Variants in TAB2 observed in about 807,000 individuals in gnomAD.
TAB2 encodes TGF-beta activated kinase 1 (MAP3K7) binding protein 2.
TAB2 carries 3 observed loss-of-function variants against 65.0 expected under a neutral mutation model. That is an observed-to-expected ratio of 0.05 (90% CI 0.02 to 0.12). The LOEUF (loss-of-function observed/expected upper bound fraction) is 0.12, where lower values mean the gene tolerates loss of function less well. TAB2 is among the 10% of genes least tolerant of loss of function. The pLI is 1.00. For synonymous variants in TAB2, 298 were observed against 285.1 expected, an observed-to-expected ratio of 1.05 and a Z score of -0.46; for missense variants, 623 against 840.3, an observed-to-expected ratio of 0.74 and a Z score of 3.20.
At chr6:149,315,642 T>C (rs1204816925), upstream of TAB2, among the ~76,000 whole-genome samples, 1 of 152,240 alleles carries the variant, frequency 6.6e-6, no homozygotes, top group Non-Finnish European at 1.5e-5. Flanking sequence ...GGGTCACATA[T>C]TGCATTTCGT....
chr6:149,268,618 A>G (rs1778305955), intron 1 of TAB2, among the ~76,000 whole-genome samples: 1 of 152,250 alleles, frequency 6.6e-6, no homozygotes, highest in Non-Finnish European at 1.5e-5. Context: ...CCTTAAAATA[A>G]TAACACGAGG....
intron 1 of TAB2, among the ~76,000 whole-genome samples, chr6:149,366,796 G>A (rs1207686280): frequency 6.6e-6 from 1 of 152,078 alleles, no homozygotes; most frequent in Non-Finnish European, 1.5e-5. Context: ...ATTTGTGTAG[G>A]TGATAGTCTT....
At chr6:149,308,193 C>T (rs1384788580) in intron 1 of TAB2, among the ~76,000 whole-genome samples, 1 of 152,126 alleles carries the variant, frequency 6.6e-6, no homozygotes, top group Non-Finnish European at 1.5e-5. Flanking sequence ...TGACACACAT[C>T]TTCAAATGTA....
At chr6:149,392,143 G>C (rs1782009208) in intron 3 of TAB2, among the ~76,000 whole-genome samples, 1 of 139,482 alleles carries the variant, frequency 7.2e-6, no homozygotes, top group South Asian at 2.6e-4. Flanking sequence ...TTTGGCAGGG[G>C]GCGGGGGGGC....
intron 3 of TAB2, among the ~76,000 whole-genome samples, chr6:149,396,527 G>A (rs755578160): frequency 2.0e-5 from 3 of 152,098 alleles, no homozygotes; most frequent in Non-Finnish European, 4.4e-5. Context: ...TTCCAAATCT[G>A]CTTTATTTTT....
At chr6:149,367,787 G>A (rs1669441321) in intron 1 of TAB2, among the ~76,000 whole-genome samples, 1 of 152,086 alleles carries the variant, frequency 6.6e-6, no homozygotes, top group Non-Finnish European at 1.5e-5. Context: ...GATTAGATGT[G>A]GGATGAGAGA....
chr6:149,317,369 G>A (rs961144626), upstream of TAB2, among the ~76,000 whole-genome samples: 1 of 151,878 alleles, frequency 6.6e-6, no homozygotes, highest in South Asian at 2.1e-4. This position sits in a 1 kb window ranked among gnomAD's most constrained non-coding sequence, Gnocchi z 4.7. Context: ...TGCGAGTGTC[G>A]GGGGAGGGGT....
chr6:149,316,858 G>T (rs1428106513), upstream of TAB2, among the ~76,000 whole-genome samples: 1 of 152,050 alleles, frequency 6.6e-6, no homozygotes, highest in African/African-American at 2.4e-5. Context: ...AAGTCTCGAA[G>T]TTGCCAGTTG....
At chr6:149,377,989 A>G in intron 2 of TAB2, 29 bp from the exon 3 acceptor site, 1 of 1,565,738 alleles carries the variant, frequency 6.4e-7, no homozygotes, top group Non-Finnish European at 8.8e-7. Flanking sequence ...CTGATTGTTA[A>G]CATCAATCAA....
chr6:149,372,811 ATT>A (rs1781274008), intron 2 of TAB2, among the ~76,000 whole-genome samples: 1 of 152,160 alleles, frequency 6.6e-6, no homozygotes, highest in African/African-American at 2.4e-5. Context: ...GTTTTCCCAA[ATT>A]TAGAGCAATA....
intron 1 of TAB2, among the ~76,000 whole-genome samples, chr6:149,235,743 C>T (rs1777483431): frequency 1.3e-5 from 2 of 152,174 alleles, no homozygotes; most frequent in South Asian, 4.1e-4. Flanking sequence ...TGTCACCCTG[C>T]TCAAGATTCA....
chr6:149,396,486 CTT>C (rs1017138713), intron 3 of TAB2, among the ~76,000 whole-genome samples: 2 of 152,174 alleles, frequency 1.3e-5, no homozygotes, highest in Non-Finnish European at 2.9e-5. Flanking sequence ...ATTTCAGTGA[CTT>C]TTATTTCTAG....
chr6:149,379,897 T>C, intron 3 of TAB2: 2 of 455,986 alleles, frequency 4.4e-6, no homozygotes, highest in Non-Finnish European at 8.8e-6. Context: ...TAGTTGACTC[T>C]CTTGACTAAT....
In TAB2 at chr6:149,333,741, G is replaced by GTGTGTGTGTGTGTGTGTGTGTGTC. The variant is rs1340808753; in HGVS notation, c.-90+15731_-90+15732insGTGTGTGTGTGTGTGTGTCTGTGT. ...TGTGTGTGTGTGTGTGTGTGTGTGT[G>GTGTGTGTGTGTGTGTGTGTGTGTC]TGTGTCTATGTGTCTGTGTGTACAG... On this transcript the variant is annotated intron_variant, in intron 1 of 6. Coordinates refer to ENST00000637181, the MANE Select transcript of TAB2 (RefSeq NM_001292034.3). 6.6e-5 allele frequency among the ~76,000 whole-genome samples: 10 copies of GTGTGTGTGTGTGTGTGTGTGTGTC among 151,018 alleles called. No homozygotes were observed. In the East Asian group the frequency reaches 1.9e-3, roughly 29 times the overall value.
intron 1 of TAB2, among the ~76,000 whole-genome samples, chr6:149,330,251 G>T (rs199759133): frequency 2.6e-5 from 4 of 152,128 alleles, no homozygotes; most frequent in Non-Finnish European, 5.9e-5. Flanking sequence ...AAATAAAACT[G>T]CTGTGAACAG....
At chr6:149,305,273 T>C (rs583074) in intron 1 of TAB2, among the ~76,000 whole-genome samples, 54,778 of 152,032 alleles carry the variant, frequency 0.36, 10,422 homozygotes, top group African/African-American at 0.49. Context: ...ATTATTAGTA[T>C]AAATGGGATA....
At chr6:149,391,241 T>A (rs563558247) in intron 3 of TAB2, among the ~76,000 whole-genome samples, 1 of 152,318 alleles carries the variant, frequency 6.6e-6, no homozygotes, top group East Asian at 1.9e-4. Context: ...CCTTTGTATG[T>A]AATCTACTTT....
Position 149,399,166 on chromosome 6 carries a change from G to A in TAB2, c.1921G>A (p.Val641Met). The change falls in exon 6 of 7, where the codon GTG becomes ATG. Residue 641 changes from valine to methionine, a missense_variant. Val to Met is a conservative substitution (Grantham distance 21). Around this residue, in one of 3 missense-constraint regions of TAB2, gnomAD observed 56 missense variants for 130.3 expected, o/e 0.43. Transcript: ENST00000637181. ...TGACAATATTGGATTTGTAGGTCCTGTGCCACCAAAACCCAAAGGTTAGTG... is the reference window on the plus strand; with the variant it reads ...TGACAATATTGGATTTGTAGGTCCTATGCCACCAAAACCCAAAGGTTAGTG... The part of the protein sequence containing the change: ...FYDNIGFVGP[V>M]PPKPKDQRSI... The A allele has an allele frequency of 6.2e-7, 1 of 1,613,526 alleles. No homozygotes were observed. Among genetic ancestry groups the A allele is most frequent in the Non-Finnish European group, 8.5e-7 (1 of 1,179,652 alleles).
intron 1 of TAB2, among the ~76,000 whole-genome samples, chr6:149,253,944 G>A (rs1257741969): frequency 6.3e-4 from 43 of 67,892 alleles, no homozygotes; most frequent in African/African-American, 1.4e-3. Flanking sequence ...GAAAGAAAGA[G>A]AAAGAAAGAA....
Sources: gnomAD v4.1 joint callset for allele counts (sites outside exome capture counted in the v4.1 genomes callset) on GRCh38, gnomAD v4.1.1 for gene constraint, gnomAD v4.1.1 regional missense constraint, Gnocchi (gnomAD v3.1) non-coding constraint, MANE v1.5 for transcripts, NCBI Gene and HGNC (gene_info 2026-07-23, HGNC 2026-07-21) for gene names.